PARP2: variants seen among roughly 807,000 people sequenced by gnomAD.
PARP2 encodes poly [ADP-ribose] polymerase 2.
PARP2 carries 57 observed loss-of-function variants against 77.8 expected under a neutral mutation model. The ratio of observed to expected loss-of-function variants is 0.73; its 90% CI spans 0.59 to 0.91. The LOEUF (loss-of-function observed/expected upper bound fraction) is 0.91. Ranked by LOEUF, PARP2 falls within the 40% of genes least tolerant of loss-of-function variation. PARP2 has a pLI of 0.00. For synonymous variants in PARP2, 226 were observed against 242.6 expected, an observed-to-expected ratio of 0.93 and a Z score of 0.64; for missense variants, 651 against 689.0, an observed-to-expected ratio of 0.94 and a Z score of 0.62.
At chr14:20,352,378 A>G (rs1760919) in intron 7 of PARP2, 31 bp downstream of exon 7, 499,607 of 1,291,860 alleles carry the variant, frequency 0.39, 102,720 homozygotes, top group African/African-American at 0.71. Flanking sequence ...CGAAAGAAAC[A>G]CATCTTCTTT....
intron 7 of PARP2, 47 bp downstream of exon 7, chr14:20,352,394 T>C: frequency 8.1e-7 from 1 of 1,236,636 alleles, no homozygotes; most frequent in Non-Finnish European, 1.2e-6. Flanking sequence ...TCTTTTTTTA[T>C]TTTATTTTTT....
chr14:20,351,805 G>T (rs1036295483), intron 6 of PARP2, among the ~76,000 whole-genome samples: 4 of 151,932 alleles, frequency 2.6e-5, no homozygotes, highest in Non-Finnish European at 5.9e-5. Flanking sequence ...CTTGAAGCTA[G>T]GAGTTTGAGA....
At position 20,346,901 on chromosome 14, in the gene PARP2, C is replaced by A; in HGVS notation, c.312C>A (p.Val104=). Residue 104 remains valine, a synonymous_variant, in exon 4 of 16, where the codon GTC becomes GTA. Coordinates refer to ENST00000429687, the MANE Select transcript of PARP2 (RefSeq NM_001042618.2). ...GTGAAGGAAATGATGTCTATGATGTCATGCTAAATCAGGTAAGAGGCAAGA... is the reference window on the plus strand; with the variant it reads ...GTGAAGGAAATGATGTCTATGATGTAATGCTAAATCAGGTAAGAGGCAAGA... ...VYCEGNDVYD[V]MLNQTNLQFN... 1 of 1,603,356 alleles carries A rather than the reference C, an allele frequency of 6.2e-7. No homozygotes were observed. The highest frequency in any genetic ancestry group is 8.5e-7 in the Non-Finnish European group (1 of 1,171,694).
chr14:20,348,311 TTATAGTAC>T (rs978829741), intron 4 of PARP2, among the ~76,000 whole-genome samples: 1 of 152,208 alleles, frequency 6.6e-6, no homozygotes, highest in African/African-American at 2.4e-5. Context: ...TTGGTTTTCC[TTATAGTAC>T]ACTTTTTGCC....
At position 20,347,352 on chromosome 14, in the gene PARP2, GTGTGTATATATATATATATATATATATA is replaced by G. The variant is rs1883770750; in HGVS notation, c.324+441_324+468del. ...CTTGCCTAAAGTCCTTCATATGTGT[GTGTGTATATATATATATATATATATATA>G]TATATATATATATATATATTTTTTT... On this transcript the variant is annotated intron_variant, in intron 4 of 15. Transcript: ENST00000429687. 3.7e-4 allele frequency among the ~76,000 whole-genome samples: 19 copies of G among 51,814 alleles called. 1 individual carries two copies. Among genetic ancestry groups the G allele is most frequent in the African/African-American group, 1.5e-3 (18 of 11,662 alleles). The allele number at this position is 51,814 out of a possible 152,430, so 34.0% of individuals were successfully genotyped here.
At chr14:20,348,042 T>C (rs1883832209) in intron 4 of PARP2, among the ~76,000 whole-genome samples, 2 of 152,028 alleles carry the variant, frequency 1.3e-5, no homozygotes, top group Non-Finnish European at 2.9e-5. Context: ...CCTGACTAAT[T>C]TTTAAATTTT....
Position 20,355,040 on chromosome 14 carries a change from T to C in PARP2, c.902+93T>C, listed in dbSNP as rs563452596. 4.2e-6 allele frequency: 5 copies of C among 1,202,574 alleles called. No homozygotes were observed. In the African/African-American group the frequency reaches 7.6e-5, roughly 18 times the overall value. The allele number at this position is 1,202,574 out of a possible 1,614,324, so 74.5% of individuals were successfully genotyped here. A position where few individuals can be genotyped will look rare whatever the true frequency, so the allele number is the denominator to read the frequency against. ...AGCTATAATCTTTTAAATCTTTTATTCCTAAGAAAATGATCGTCTTGAATA... is the reference window on the plus strand; with the variant it reads ...AGCTATAATCTTTTAAATCTTTTATCCCTAAGAAAATGATCGTCTTGAATA... On this transcript the variant is annotated intron_variant, in intron 9 of 15. Transcript: ENST00000429687.
At chr14:20,346,399 C>T (rs969927689) in intron 3 of PARP2, among the ~76,000 whole-genome samples, 1 of 144,960 alleles carries the variant, frequency 6.9e-6, no homozygotes, top group Middle Eastern at 3.5e-3. Context: ...GTGATCTCAG[C>T]TCACTGCATC....
At chr14:20,356,099 C>CT in intron 11 of PARP2, 68 bp downstream of exon 11, 1 of 1,546,510 alleles carries the variant, frequency 6.5e-7, no homozygotes, top group Non-Finnish European at 8.8e-7. Context: ...CCACTGTTCT[C>CT]TAACTACTTC....
At chr14:20,347,367 TATATATATATATATATATATATA>T (rs1315862677) in intron 4 of PARP2, among the ~76,000 whole-genome samples, 1 of 12,316 alleles carries the variant, frequency 8.1e-5, no homozygotes, top group East Asian at 2.1e-3. Context: ...TATATATATA[TATATATATATATATATATATATA>T]TATATATATT....
rs1884194325 is a variant in PARP2 at position 20,357,322 on chromosome 14, G to C, written c.1429-74G>C. ...GGAGTAGGGGAAAAAAGTACTGATG[G>C]GATTTTCTGTTTGGCTTTGGAGCCA... On this transcript the variant is annotated intron_variant, in intron 14 of 15. Transcript: ENST00000429687. 5 of 1,522,314 alleles carry C rather than the reference G, an allele frequency of 3.3e-6. No individual in the cohort carries two copies. In the South Asian group the frequency reaches 4.9e-5, roughly 15 times the overall value. 94.3% of individuals were successfully genotyped at this position (1,522,314 alleles called of 1,614,324 possible). A position where few individuals can be genotyped will look rare whatever the true frequency, so the allele number is the denominator to read the frequency against.
At position 20,355,909 on chromosome 14, in the gene PARP2, A is replaced by AT; in HGVS notation, c.981dup (p.Glu328Ter). ...CTCATCTTCTCAGGCTTTGGGAGAC[A>AT]TTGAAATTGCTATTAAGCTGGTGAA... On this transcript the variant is annotated frameshift_variant, in exon 11 of 16. Coordinates refer to ENST00000429687, the MANE Select transcript of PARP2 (RefSeq NM_001042618.2). LOFTEE classifies it high-confidence loss of function. 6.2e-7 allele frequency: 1 copy of AT among 1,614,186 alleles called. No individual in the cohort carries two copies. The highest frequency in any genetic ancestry group is 8.5e-7 in the Non-Finnish European group (1 of 1,180,014).
Position 20,354,111 on chromosome 14 carries a change from A to G in PARP2, c.627A>G (p.Glu209=). 1 of 1,613,106 alleles carries G rather than the reference A, an allele frequency of 6.2e-7. No individual in the cohort carries two copies. The highest frequency in any genetic ancestry group is 8.5e-7 in the Non-Finnish European group (1 of 1,179,212). Residue 209 remains glutamate, a synonymous_variant, in exon 8 of 16, where the codon GAA becomes GAG. Transcript: ENST00000429687. ...ATGAAGAGGAAACAAAGAAAGAGGA[A>G]TCTCTTAAATCTCCCTTGAAGCCAG... The part of the protein sequence containing the change: ...TQDEEETKKE[E]SLKSPLKPES...
At chr14:20,353,535 G>A (rs10151004) in intron 7 of PARP2, among the ~76,000 whole-genome samples, 2,722 of 152,214 alleles carry the variant, frequency 0.018, 92 homozygotes, top group African/African-American at 0.062. Flanking sequence ...GAGCCACTGC[G>A]GCTGGCACCA....
intron 2 of PARP2, 95 bp from the exon 3 acceptor site, chr14:20,345,299 G>C: frequency 8.5e-7 from 1 of 1,180,614 alleles, no homozygotes; most frequent in Non-Finnish European, 1.2e-6. Context: ...GACCAGGATT[G>C]GTTGGGCGGG....
Position 20,357,154 on chromosome 14 carries a change from G to A in PARP2, c.1428+5G>A. 6.4e-7 allele frequency: 1 copy of A among 1,563,644 alleles called. No homozygotes were observed. The highest frequency in any genetic ancestry group is 1.4e-5 in the African/African-American group (1 of 73,186). On this transcript the variant is annotated splice_donor_5th_base_variant and intron_variant, in intron 14 of 15. Transcript: ENST00000429687. ...GGACTGCTGCTCTTATCAGAGGTGA[G>A]ACAGGAGTATGTCTGTGATCTCTAG...
intron 7 of PARP2, 22 bp downstream of exon 7, chr14:20,352,369 G>A (rs774241807): frequency 8.0e-6 from 11 of 1,372,114 alleles, no homozygotes; most frequent in Middle Eastern, 1.8e-4. Flanking sequence ...TATACTTTTC[G>A]AAAGAAACAC....
chr14:20,345,133 G>C, intron 2 of PARP2, 46 bp downstream of exon 2: 1 of 1,600,484 alleles, frequency 6.2e-7, no homozygotes. Context: ...TCTGGTAGGA[G>C]TGGATCTGGG....
In PARP2 at chr14:20,355,802, T is replaced by A; in HGVS notation, c.953T>A (p.Ile318Lys). Reference sequence around the variant, plus strand: ...ACACAGAAGGAACTGTCAGAAAAAATACAATTACTAGAGGTGAGATATGTA... The same window carrying A: ...ACACAGAAGGAACTGTCAGAAAAAAAACAATTACTAGAGGTGAGATATGTA... The part of the protein sequence containing the change: ...IRTQKELSEK[I>K]QLLEALGDIE... Residue 318 changes from isoleucine (I) to lysine (K), a missense_variant, in exon 10 of 16, where the codon ATA becomes AAA. Physicochemically the swap from Ile to Lys is moderately radical, Grantham distance 102 (BLOSUM62 -3). Transcript: ENST00000429687. 1 of 1,613,712 alleles carries A rather than the reference T, an allele frequency of 6.2e-7. No homozygotes were observed. Among genetic ancestry groups the A allele is most frequent in the Non-Finnish European group, 8.5e-7 (1 of 1,179,660 alleles).
Sources: allele counts gnomAD v4.1 joint callset (sites outside exome capture counted in the v4.1 genomes callset), GRCh38; gene constraint gnomAD v4.1.1; transcripts MANE v1.5; gene names NCBI Gene and HGNC (gene_info 2026-07-23, HGNC 2026-07-21).